FAM20B: variants seen among roughly 807,000 people sequenced by gnomAD.
FAM20B encodes FAM20B glycosaminoglycan xylosylkinase.
FAM20B carries 23 observed loss-of-function variants against 43.8 expected under a neutral mutation model. The ratio of observed to expected loss-of-function variants is 0.53; its 90% CI spans 0.38 to 0.74. FAM20B has a LOEUF of 0.74. Among genes scored for constraint, FAM20B ranks in the 30% least tolerant of loss-of-function variants. The pLI is 0.00. For synonymous variants in FAM20B, 178 were observed against 192.4 expected, an observed-to-expected ratio of 0.93 and a Z score of 0.62; for missense variants, 440 against 510.5, an observed-to-expected ratio of 0.86 and a Z score of 1.33.
intron 1 of FAM20B, among the ~76,000 whole-genome samples, chr1:179,031,817 A>G (rs1650027382): frequency 6.6e-6 from 1 of 152,262 alleles, no homozygotes; most frequent in African/African-American, 2.4e-5. Context: ...TTTAAAACAC[A>G]GAACTAATTT....
At chr1:179,022,890 G>A (rs1305642658), upstream of FAM20B, among the ~76,000 whole-genome samples, 1 of 152,218 alleles carries the variant, frequency 6.6e-6, no homozygotes, top group Non-Finnish European at 1.5e-5. Flanking sequence ...TTGTTGGGAA[G>A]GCTATGAAAG....
Position 179,072,533 on chromosome 1 carries a change from G to T in FAM20B, c.*389G>T. The T allele has an allele frequency of 1.2e-5, 2 of 173,704 alleles. No homozygotes were observed. The highest frequency in any genetic ancestry group is 1.5e-4 in the South Asian group (1 of 6,468). 10.8% of individuals were successfully genotyped at this position (173,704 alleles called of 1,614,324 possible). ...CTTTCTCTACGCCCGTGGATTTTGTGGAAACACTTTGCAATCTCTTTGTCT... is the reference window on the plus strand; with the variant it reads ...CTTTCTCTACGCCCGTGGATTTTGTTGAAACACTTTGCAATCTCTTTGTCT... On this transcript the variant is annotated 3_prime_UTR_variant, in exon 8 of 8. Coordinates refer to ENST00000263733, the MANE Select transcript of FAM20B (RefSeq NM_014864.4).
At chr1:179,064,676 T>A (rs1186868250) in intron 6 of FAM20B, among the ~76,000 whole-genome samples, 180 bp downstream of exon 6, 1 of 152,208 alleles carries the variant, frequency 6.6e-6, no homozygotes, top group East Asian at 1.9e-4. Flanking sequence ...ATCTCAGTAC[T>A]TCAAAAAATG....
intron 3 of FAM20B, among the ~76,000 whole-genome samples, chr1:179,053,714 C>G (rs1475642047): frequency 6.6e-6 from 1 of 152,088 alleles, no homozygotes; most frequent in East Asian, 1.9e-4. Context: ...TTTCTAATGA[C>G]TGGGGAAAAG....
At chr1:179,025,276 A>C (rs1649706203), upstream of FAM20B, among the ~76,000 whole-genome samples, 1 of 152,240 alleles carries the variant, frequency 6.6e-6, no homozygotes, top group African/African-American at 2.4e-5. Context: ...ATGTAAAACA[A>C]CTAATATTAC....
intron 1 of FAM20B, chr1:179,035,243 T>G: frequency 2.0e-6 from 1 of 498,252 alleles, no homozygotes; most frequent in East Asian, 4.3e-5. Flanking sequence ...TTTTTTTAAG[T>G]ACAATTTCCA....
intron 6 of FAM20B, among the ~76,000 whole-genome samples, chr1:179,066,555 T>A (rs1204282127): frequency 6.6e-6 from 1 of 152,182 alleles, no homozygotes; most frequent in Non-Finnish European, 1.5e-5. Flanking sequence ...CCTTGTGATA[T>A]CTTGGCAGGA....
chr1:179,055,146 C>A (rs2102511531), intron 4 of FAM20B, among the ~76,000 whole-genome samples: 1 of 152,286 alleles, frequency 6.6e-6, no homozygotes, highest in South Asian at 2.1e-4. Flanking sequence ...CAAGGGTTAA[C>A]CTATAACTCA....
upstream of FAM20B, among the ~76,000 whole-genome samples, chr1:179,023,545 A>G (rs1649640420): frequency 6.6e-6 from 1 of 152,184 alleles, no homozygotes; most frequent in Non-Finnish European, 1.5e-5. Context: ...TCATCTCTGC[A>G]TGGTCTGGTA....
intron 1 of FAM20B, among the ~76,000 whole-genome samples, chr1:179,026,477 T>C (rs566581792): frequency 6.6e-6 from 1 of 152,138 alleles, no homozygotes; most frequent in East Asian, 2.0e-4. Context: ...CCTTGCGCGG[T>C]CCCCAGAGGC....
intron 2 of FAM20B, among the ~76,000 whole-genome samples, chr1:179,049,770 G>A (rs1045997819): frequency 4.6e-5 from 7 of 152,204 alleles, no homozygotes; most frequent in East Asian, 1.9e-4. Context: ...TCGAACTACC[G>A]ACCTCAGGTG....
Position 179,064,047 on chromosome 1 carries a change from A to G in FAM20B, c.695A>G (p.Gln232Arg), listed in dbSNP as rs367578094. Reference protein sequence around the residue: ...TLWLPDVWPLQKHRHPWGRTY... With the variant: ...TLWLPDVWPLRKHRHPWGRTY... ...TGGCTTCCAGATGTGTGGCCTCTGCAGAAGCACCGTCACCCATGGGGCAGG... is the reference window on the plus strand; with the variant it reads ...TGGCTTCCAGATGTGTGGCCTCTGCGGAAGCACCGTCACCCATGGGGCAGG... The change falls in exon 5 of 8, where the codon CAG becomes CGG. Residue 232 changes from glutamine to arginine, a missense_variant. Physicochemically the swap from Gln to Arg is conservative, Grantham distance 43. Transcript: ENST00000263733. 12 of 1,613,986 alleles carry G rather than the reference A, an allele frequency of 7.4e-6. 1 individual carries two copies. The South Asian group carries it at 8.8e-5, about 12-fold the overall frequency.
At chr1:179,035,388 A>G in intron 1 of FAM20B, 1 of 708,306 alleles carries the variant, frequency 1.4e-6, no homozygotes, top group Admixed American at 1.8e-5. Flanking sequence ...CGTGGGCTTC[A>G]TGAGATTGAT....
chr1:179,035,057 A>C (rs1650164126), intron 1 of FAM20B, among the ~76,000 whole-genome samples: 1 of 152,160 alleles, frequency 6.6e-6, no homozygotes, highest in Non-Finnish European at 1.5e-5. Context: ...GGACACTTCT[A>C]ATAAGGCTTG....
upstream of FAM20B, among the ~76,000 whole-genome samples, chr1:179,024,597 T>C (rs2102473901): frequency 6.6e-6 from 1 of 152,264 alleles, no homozygotes; most frequent in Admixed American, 6.5e-5. Flanking sequence ...TCCAAACCTT[T>C]TCAACTACAC....
In FAM20B at chr1:179,043,746, G is replaced by C; in HGVS notation, c.-102G>C. Reference sequence around the variant, plus strand: ...TGGAAGGTGCATCAGTGAAGAAATGGACCAATGTGTATAATCATGGAATCT... The same window carrying C: ...TGGAAGGTGCATCAGTGAAGAAATGCACCAATGTGTATAATCATGGAATCT... On this transcript the variant is annotated 5_prime_UTR_variant, in exon 2 of 8. Coordinates refer to ENST00000263733, the MANE Select transcript of FAM20B (RefSeq NM_014864.4). 8.3e-7 allele frequency: 1 copy of C among 1,210,534 alleles called. No homozygotes were observed. Among genetic ancestry groups the C allele is most frequent in the Admixed American group, 2.3e-5 (1 of 43,656 alleles). The allele number at this position is 1,210,534 out of a possible 1,614,324, so 75.0% of individuals were successfully genotyped here.
intron 6 of FAM20B, among the ~76,000 whole-genome samples, 182 bp from the exon 7 acceptor site, chr1:179,066,618 G>A (rs1234419302): frequency 1.3e-5 from 2 of 152,114 alleles, no homozygotes; most frequent in East Asian, 3.9e-4. Context: ...AGTACAGGCT[G>A]TTAGGGATCC....
intron 4 of FAM20B, among the ~76,000 whole-genome samples, chr1:179,063,182 C>T (rs1651546635): frequency 6.6e-6 from 1 of 151,868 alleles, no homozygotes; most frequent in African/African-American, 2.4e-5. Context: ...GAGGCTGAGA[C>T]GGAAGAATTG....
intron 1 of FAM20B, among the ~76,000 whole-genome samples, chr1:179,030,901 G>T (rs1649984965): frequency 6.6e-6 from 1 of 151,830 alleles, no homozygotes; most frequent in African/African-American, 2.4e-5. Context: ...AAATGTGTGT[G>T]TGTGTGTTTG....
Sources: gnomAD v4.1 joint callset for allele counts (sites outside exome capture counted in the v4.1 genomes callset) on GRCh38, gnomAD v4.1.1 for gene constraint, MANE v1.5 for transcripts, NCBI Gene and HGNC (gene_info 2026-07-23, HGNC 2026-07-21) for gene names.